The following MEGF10 variants were observed in gnomAD, a reference collection of about 807,000 sequenced individuals.
MEGF10 encodes the protein multiple EGF like domains 10.
MEGF10 carries 86 observed loss-of-function variants against 147.5 expected under a neutral mutation model. The observed-to-expected ratio is 0.58, with a 90% CI of 0.49 to 0.70. The LOEUF is 0.70. MEGF10 is among the 30% of genes least tolerant of loss of function. The pLI is 0.00. For synonymous variants in MEGF10, 478 were observed against 525.5 expected (o/e 0.91, Z 1.24); for missense variants, 1,329 against 1,487.3 (o/e 0.89, Z 1.75).
chr5:127,334,967 T>G (rs1484186802), intron 2 of MEGF10, among the ~76,000 whole-genome samples: 3 of 152,192 alleles, frequency 2.0e-5, no homozygotes, highest in Admixed American at 1.3e-4. Flanking sequence ...CCTCCCCTTA[T>G]TCTCCATCTC....
intron 19 of MEGF10, chr5:127,444,657 C>A (rs1376324798): frequency 6.6e-6 from 1 of 152,106 alleles, no homozygotes; most frequent in Non-Finnish European, 1.5e-5. Flanking sequence ...CTTGACGGAC[C>A]ATAAGGAAGA....
chr5:127,331,190 C>T, intron 1 of MEGF10, 101 bp from the exon 2 acceptor site: 1 of 645,916 alleles, frequency 1.5e-6, no homozygotes, highest in East Asian at 2.7e-5. Context: ...ATGCACATTT[C>T]AGCCCCACTG....
intron 5 of MEGF10, among the ~76,000 whole-genome samples, chr5:127,391,102 G>GCGCACACACACACA (rs1426600414): frequency 2.8e-4 from 15 of 53,930 alleles, no homozygotes; most frequent in African/African-American, 6.1e-4. Flanking sequence ...GCGCGCGCGC[G>GCGCACACACACACA]CACACACACA....
chr5:127,435,286 T>C (rs1212601576), intron 15 of MEGF10, 75 bp from the exon 16 acceptor site: 1 of 1,567,982 alleles, frequency 6.4e-7, no homozygotes, highest in East Asian at 2.3e-5. Context: ...TTTAAAGTTA[T>C]TTCCTGTGCT....
chr5:127,246,118 G>A, the MEGF10 span, among the ~76,000 whole-genome samples: 1 of 152,084 alleles, frequency 6.6e-6, no homozygotes, highest in African/African-American at 2.4e-5. Flanking sequence ...TATACTCAAA[G>A]GATTATAAAT....
chr5:127,421,814 C>T (rs567178158), intron 12 of MEGF10, among the ~76,000 whole-genome samples: 2 of 150,848 alleles, frequency 1.3e-5, no homozygotes, highest in African/African-American at 4.8e-5. Flanking sequence ...TCAATTAAAA[C>T]TATAATTTTT....
chr5:127,322,670 G>T (rs1313601838), intron 1 of MEGF10, among the ~76,000 whole-genome samples: 2 of 152,242 alleles, frequency 1.3e-5, no homozygotes, highest in East Asian at 3.9e-4. Flanking sequence ...TTGTTCATTG[G>T]CAAAGCATTT....
intron 4 of MEGF10, among the ~76,000 whole-genome samples, chr5:127,346,478 A>G (rs1444530850): frequency 6.6e-6 from 1 of 151,944 alleles, no homozygotes; most frequent in Non-Finnish European, 1.5e-5. Context: ...GCATTTTTTC[A>G]TATGTTTGTT....
intron 10 of MEGF10, 103 bp from the exon 11 acceptor site, chr5:127,419,017 G>A: frequency 7.5e-7 from 1 of 1,338,028 alleles, no homozygotes; most frequent in South Asian, 1.5e-5. Flanking sequence ...TAAAATTAGA[G>A]AGGAAGTATA....
rs58939267 is a variant in MEGF10, at chr5:127,455,723, G to GTATTT, written c.3232+140_3232+144dup. On this transcript the variant is annotated intron_variant, in intron 24 of 24. Transcript: ENST00000503335. ...GAAATCTTATTGAAAATAATGGTCC[G>GTATTT]TATTTTATTTTATTTTATTTTATTT... 707 of 767,998 alleles carry GTATTT rather than the reference G, an allele frequency of 9.2e-4. 8 individuals are homozygous for GTATTT. The African/African-American group carries it at 9.5e-3, about 10-fold the overall frequency. 47.6% of individuals were successfully genotyped at this position (767,998 alleles called of 1,614,324 possible).
chr5:127,265,279 A>G, the MEGF10 span, among the ~76,000 whole-genome samples: 1 of 152,142 alleles, frequency 6.6e-6, no homozygotes, highest in South Asian at 2.1e-4. Context: ...ATAGTATTCC[A>G]TGGTGTATAT....
rs956880529 is a variant in MEGF10, at chr5:127,339,176, C to T, written c.173C>T (p.Thr58Met). 4.3e-6 allele frequency: 7 copies of T among 1,612,604 alleles called. No individual in the cohort carries two copies. The highest frequency in any genetic ancestry group is 3.3e-4 in the Middle Eastern group (2 of 6,048). ...YPHPFDQIYY[T>M]SCTDILNWFK... The stretch of plus-strand genomic sequence containing the variant: ...CATCCCTTTGATCAAATTTACTACA[C>T]GAGCTGCACTGACATTCTAAACTGG... The change falls in exon 3 of 25, where the codon ACG (threonine) becomes ATG (methionine). Residue 58 changes from threonine to methionine, a missense_variant. Thr to Met is a moderately conservative substitution (Grantham distance 81). Around this residue, in one of 3 missense-constraint regions of MEGF10, gnomAD observed 980 missense variants for 1,085.9 expected, o/e 0.90. Transcript: ENST00000503335.
chr5:127,428,599 A>G (rs1368115124), intron 13 of MEGF10, among the ~76,000 whole-genome samples: 2 of 152,222 alleles, frequency 1.3e-5, no homozygotes, highest in Non-Finnish European at 2.9e-5. Flanking sequence ...TAGTTCCTCC[A>G]TCTTATAATT....
upstream of MEGF10, among the ~76,000 whole-genome samples, chr5:127,285,977 C>A (rs1248939684): frequency 1.3e-5 from 2 of 151,948 alleles, no homozygotes; most frequent in Non-Finnish European, 1.5e-5. Context: ...TACTATTCGG[C>A]CATAAAAAAT....
At chr5:127,443,433 T>TTTTTTTTCAGCTTTATTGAG (rs1765830662) in intron 19 of MEGF10, among the ~76,000 whole-genome samples, 1 of 152,054 alleles carries the variant, frequency 6.6e-6, no homozygotes, top group African/African-American at 2.4e-5. Context: ...GGGTCTATGA[T>TTTTTTTTCAGCTTTATTGAG]TTTTTTTCAG....
At chr5:127,248,143 A>T in the MEGF10 span, among the ~76,000 whole-genome samples, 2 of 152,152 alleles carry the variant, frequency 1.3e-5, no homozygotes, top group African/African-American at 4.8e-5. Context: ...CTATGATCAT[A>T]TCTAGGGATT....
chr5:127,452,217 C>T lies in MEGF10; in HGVS notation c.2981-2349C>T, dbSNP rs149856093. On this transcript the variant is annotated intron_variant, in intron 22 of 24. Transcript: ENST00000503335. ...CATAGCCCCAGCTCTTATTCCCTAA[C>T]TTACTATCTGCTCCATGCTGGTTCT... 4.6e-5 allele frequency among the ~76,000 whole-genome samples: 7 copies of T among 152,334 alleles called. No individual in the cohort carries two copies. In the East Asian group the frequency reaches 1.4e-3, roughly 29 times the overall value.
intron 4 of MEGF10, among the ~76,000 whole-genome samples, chr5:127,363,069 A>G (rs553042726): frequency 6.6e-6 from 1 of 152,208 alleles, no homozygotes; most frequent in Non-Finnish European, 1.5e-5. Flanking sequence ...AATTCCCCTC[A>G]TATCTTTTGG....
the MEGF10 span, among the ~76,000 whole-genome samples, chr5:127,247,401 GAAGAAGAAGAA>G: frequency 1.1e-4 from 6 of 54,598 alleles, 1 homozygote; most frequent in African/African-American, 5.6e-4. Context: ...AGAAGAAGAA[GAAGAAGAAGAA>G]GAAGAAGAAG....
Sources: allele counts gnomAD v4.1 joint callset (sites outside exome capture counted in the v4.1 genomes callset), GRCh38; gene constraint gnomAD v4.1.1; regional missense constraint gnomAD v4.1.1; transcripts MANE v1.5; gene names NCBI Gene and HGNC (gene_info 2026-07-23, HGNC 2026-07-21).